The following PLXNC1 variants were observed in gnomAD, a reference collection of about 807,000 sequenced individuals.
The protein encoded by PLXNC1 is plexin C1, also known as plexin-C1.
PLXNC1 carries 75 observed loss-of-function variants against 178.2 expected under a neutral mutation model. That is an observed-to-expected ratio of 0.42 (90% CI 0.35 to 0.51). The LOEUF is 0.51. Ranked by LOEUF, PLXNC1 falls within the 20% of genes least tolerant of loss-of-function variation. PLXNC1 has a pLI of 0.02. For missense variants in PLXNC1, 1,503 were observed against 1,984.4 expected (o/e 0.76, Z 4.61); for synonymous variants, 790 against 779.9 (o/e 1.01, Z -0.22).
chr12:94,275,667 A>ATTT (rs1965882040), intron 21 of PLXNC1, among the ~76,000 whole-genome samples: 1 of 94,828 alleles, frequency 1.1e-5, no homozygotes, highest in African/African-American at 4.4e-5. Context: ...TCCCGGCTAA[A>ATTT]ACGGTGAAAC....
chr12:94,304,847 A>G lies in PLXNC1; in HGVS notation c.4603-334A>G, dbSNP rs547090484. On this transcript the variant is annotated intron_variant, in intron 30 of 30. Transcript: ENST00000258526. Reference sequence around the variant, plus strand: ...ATGTCCCTGCCTGCTGCATTTAAGGAGAAATACTTGCCTGCATGTTGGCTG... The same window carrying G: ...ATGTCCCTGCCTGCTGCATTTAAGGGGAAATACTTGCCTGCATGTTGGCTG... Among the ~76,000 whole-genome samples the G allele has an allele frequency of 9.2e-5, 14 of 152,308 alleles. No individual in the cohort carries two copies. In the South Asian group the frequency reaches 2.1e-3, roughly 23 times the overall value.
chr12:94,180,760 G>T (rs895174825), intron 2 of PLXNC1, among the ~76,000 whole-genome samples: 9 of 152,324 alleles, frequency 5.9e-5, no homozygotes, highest in Middle Eastern at 3.4e-3. Flanking sequence ...GCAAATACAT[G>T]TGGGAGCTAC....
rs962766326 is a variant in PLXNC1 at position 94,303,667 on chromosome 12, C to T, written c.4387-89C>T. 7 of 1,171,320 alleles carry T rather than the reference C, an allele frequency of 6.0e-6. No homozygotes were observed. The South Asian group carries it at 1.3e-4, about 22-fold the overall frequency. The allele number at this position is 1,171,320 out of a possible 1,614,324, so 72.6% of individuals were successfully genotyped here. A position where few individuals can be genotyped will look rare whatever the true frequency, so the allele number is the denominator to read the frequency against. ...CTGGTTGGTGGTGGGGGTTCAGCTA[C>T]ATTGGAATATTATAAATTCCTCCAT... On this transcript the variant is annotated intron_variant, in intron 28 of 30. Transcript: ENST00000258526.
intron 23 of PLXNC1, among the ~76,000 whole-genome samples, chr12:94,285,824 A>G (rs1966807277): frequency 6.6e-6 from 1 of 151,752 alleles, no homozygotes; most frequent in Non-Finnish European, 1.5e-5. Context: ...GGGGACACAG[A>G]CTCCAAGGCC....
At chr12:94,159,668 TTTC>T (rs1483138224) in intron 1 of PLXNC1, among the ~76,000 whole-genome samples, 1 of 152,096 alleles carries the variant, frequency 6.6e-6, no homozygotes, top group African/African-American at 2.4e-5. Flanking sequence ...GAGATTAGAT[TTTC>T]TTCTCCGAGC....
Position 94,259,394 on chromosome 12 carries a change from AT to A in PLXNC1, c.3126+24del. ...TATGCATGTAAGTCTCTACGTTTTC[AT>A]TTTTAGCCCAGTGACTGCCTGATGT... is the stretch of plus-strand genomic sequence containing the variant. On this transcript the variant is annotated intron_variant, in intron 18 of 30. Transcript: ENST00000258526. 6.3e-7 allele frequency: 1 copy of A among 1,577,444 alleles called. No homozygotes were observed. The highest frequency in any genetic ancestry group is 8.6e-7 in the Non-Finnish European group (1 of 1,162,438).
chr12:94,300,828 A>T, intron 27 of PLXNC1, 82 bp from the exon 28 acceptor site: 1 of 1,327,090 alleles, frequency 7.5e-7, no homozygotes, highest in East Asian at 2.3e-5. Context: ...GGACAAAAAC[A>T]CCCGTTTACA....
At chr12:94,297,279 G>C (rs1968028670) in intron 25 of PLXNC1, 37 bp from the exon 26 acceptor site, 2 of 1,612,276 alleles carry the variant, frequency 1.2e-6, no homozygotes, top group South Asian at 2.2e-5. Context: ...AGCAAGAGTG[G>C]TCTCCTTGGG....
intron 5 of PLXNC1, among the ~76,000 whole-genome samples, chr12:94,213,093 A>G (rs1317351291): frequency 5.3e-5 from 8 of 152,344 alleles, no homozygotes; most frequent in Non-Finnish European, 1.0e-4. Context: ...GCTATGGTGA[A>G]TAGTGCTGCA....
chr12:94,211,274 T>A (rs1181977871), intron 5 of PLXNC1, among the ~76,000 whole-genome samples: 1 of 152,146 alleles, frequency 6.6e-6, no homozygotes, highest in Non-Finnish European at 1.5e-5. Context: ...ACTGCCTCAC[T>A]CTCTCCAGCT....
At chr12:94,185,408 A>C (rs947872969) in intron 3 of PLXNC1, among the ~76,000 whole-genome samples, 1 of 152,200 alleles carries the variant, frequency 6.6e-6, no homozygotes, top group African/African-American at 2.4e-5. Context: ...TTCCTGGCAT[A>C]ATGAGTTCCA....
intron 4 of PLXNC1, among the ~76,000 whole-genome samples, chr12:94,194,778 C>A (rs540559019): frequency 6.6e-6 from 1 of 152,274 alleles, no homozygotes; most frequent in South Asian, 2.1e-4. Flanking sequence ...TAGTACCTGC[C>A]TCAGAGGTTT....
At chr12:94,188,833 G>A (rs989575643) in intron 4 of PLXNC1, among the ~76,000 whole-genome samples, 3 of 152,256 alleles carry the variant, frequency 2.0e-5, no homozygotes, top group African/African-American at 7.2e-5. Flanking sequence ...AGTGGTAGGA[G>A]GGAAGGTAGG....
chr12:94,232,388 C>CTG lies in PLXNC1; in HGVS notation c.1980+5153_1980+5154insTG, dbSNP rs1251949247. Among the ~76,000 whole-genome samples the CTG allele has an allele frequency of 1.2e-4, 19 of 152,246 alleles. No homozygotes were observed. The South Asian group carries it at 2.5e-3, about 20-fold the overall frequency. On this transcript the variant is annotated intron_variant, in intron 9 of 30. Transcript: ENST00000258526. ...ACAGGCATGAGCCACCGCACCCGGC[C>CTG]CCTCCATCACTTTTGAATATGCATT...
chr12:94,214,093 T>C (rs1290475818), intron 5 of PLXNC1, among the ~76,000 whole-genome samples: 1 of 151,678 alleles, frequency 6.6e-6, no homozygotes, highest in Non-Finnish European at 1.5e-5. Context: ...TAGAAACTTT[T>C]TTTTTTTTTT....
intron 21 of PLXNC1, among the ~76,000 whole-genome samples, chr12:94,267,685 G>A (rs186816095): frequency 6.5e-4 from 99 of 152,304 alleles, no homozygotes; most frequent in Non-Finnish European, 1.2e-3. Context: ...GCAGTTGTAC[G>A]AGAAGCTGCA....
chr12:94,227,142 A>C lies in PLXNC1; in HGVS notation c.1894-7A>C. ...TCTGGATGTTGAAGGGATGTTCTCC[A>C]TTCCAGGAACAGTGTCCAGTGGCTG... On this transcript the variant is annotated splice_polypyrimidine_tract_variant and splice_region_variant and intron_variant, in intron 8 of 30. Transcript: ENST00000258526. 8 of 1,587,182 alleles carry C rather than the reference A, an allele frequency of 5.0e-6. No individual in the cohort carries two copies. The highest frequency in any genetic ancestry group is 6.9e-6 in the Non-Finnish European group (8 of 1,155,476).
At position 94,169,247 on chromosome 12, in the gene PLXNC1, A is replaced by G; in HGVS notation, c.1157A>G (p.Asn386Ser). The change falls in exon 2 of 31, where the codon AAC (asparagine) becomes AGC (serine). Residue 386 changes from asparagine to serine, a missense_variant. Around this residue, in one of 4 missense-constraint regions of PLXNC1, gnomAD observed 615 missense variants for 698.6 expected, o/e 0.88. Transcript: ENST00000258526. ...LTSVYGTVVMNRTVLFLGTGD... is the reference protein window; with the variant it reads ...LTSVYGTVVMSRTVLFLGTGD... ...TCCGTTTATGGCACCGTGGTAATGA[A>G]CAGGACTGTTTTATTCTTGGGGACT... The G allele has an allele frequency of 1.9e-6, 3 of 1,614,082 alleles. No individual in the cohort carries two copies. Among genetic ancestry groups the G allele is most frequent in the Non-Finnish European group, 2.5e-6 (3 of 1,179,940 alleles).
intron 9 of PLXNC1, among the ~76,000 whole-genome samples, chr12:94,230,628 C>T (rs893037612): frequency 1.3e-5 from 2 of 152,216 alleles, no homozygotes; most frequent in African/African-American, 4.8e-5. Flanking sequence ...GGAGGGATTT[C>T]TCGTGCTCTG....
Sources: allele counts gnomAD v4.1 joint callset (sites outside exome capture counted in the v4.1 genomes callset), GRCh38; gene constraint gnomAD v4.1.1; regional missense constraint gnomAD v4.1.1; transcripts MANE v1.5; gene names NCBI Gene and HGNC (gene_info 2026-07-23, HGNC 2026-07-21).